FAM13C: variants seen among roughly 807,000 people sequenced by gnomAD.
The protein encoded by FAM13C is family with sequence similarity 13 member C.
Under a neutral mutation model 73.2 loss-of-function variants are expected in FAM13C, and 37 were observed. The ratio of observed to expected loss-of-function variants is 0.51; its 90% CI spans 0.39 to 0.67. The LOEUF (loss-of-function observed/expected upper bound fraction) is 0.67, where lower values mean the gene tolerates loss of function less well. Ranked by LOEUF, FAM13C falls within the 30% of genes least tolerant of loss-of-function variation. The pLI, the probability that FAM13C is intolerant of heterozygous loss-of-function variation, is 0.00. For synonymous variants in FAM13C, 246 were observed against 260.9 expected (o/e 0.94, Z 0.55); for missense variants, 589 against 715.6 (o/e 0.82, Z 2.02).
chr10:59,339,309 C>T (rs1316227115), intron 3 of FAM13C, among the ~76,000 whole-genome samples: 2 of 152,146 alleles, frequency 1.3e-5, no homozygotes, highest in Non-Finnish European at 2.9e-5. Context: ...CACTACTCAA[C>T]CTACTTCTCC....
intron 6 of FAM13C, among the ~76,000 whole-genome samples, chr10:59,281,524 A>G (rs945385384): frequency 6.6e-6 from 1 of 152,200 alleles, no homozygotes. Flanking sequence ...GAGACATTTC[A>G]GATTCATCTA....
chr10:59,322,059 T>A (rs7101023), intron 4 of FAM13C, among the ~76,000 whole-genome samples: 4,236 of 152,274 alleles, frequency 0.028, 170 homozygotes, highest in African/African-American at 0.084. Context: ...TGGCATGATA[T>A]GTCCAAACCT....
chr10:59,247,441 A>T lies in FAM13C; in HGVS notation c.*173T>A. The stretch of plus-strand genomic sequence containing the variant: ...ACCTGTTGTATTCTTCCCCCCGTTT[A>T]AATCCCTTCTCCTTGTATATAATTA... On this transcript the variant is annotated 3_prime_UTR_variant, in exon 14 of 14. Coordinates refer to ENST00000618804, the MANE Select transcript of FAM13C (RefSeq NM_198215.4). The T allele has an allele frequency of 1.3e-6, 1 of 746,318 alleles. No homozygotes were observed. The highest frequency in any genetic ancestry group is 2.2e-6 in the Non-Finnish European group (1 of 462,370). The allele number at this position is 746,318 out of a possible 1,614,324, so 46.2% of individuals were successfully genotyped here.
At chr10:59,281,928 T>C (rs559199623) in intron 6 of FAM13C, among the ~76,000 whole-genome samples, 2 of 152,358 alleles carry the variant, frequency 1.3e-5, no homozygotes, top group African/African-American at 2.4e-5. Context: ...GTGTTTTGTA[T>C]TAAATATGTT....
rs1853401490 is a variant in FAM13C, at chr10:59,340,850, CA to C, written c.324+11419del. Among the ~76,000 whole-genome samples, 3 of 151,694 alleles carry C rather than the reference CA, an allele frequency of 2.0e-5. No individual in the cohort carries two copies. The South Asian group carries it at 6.3e-4, about 32-fold the overall frequency. ...GCAAAAACCACAATTACTTTTGCAC[CA>C]ATGTAATATTTAGCGTTAAACTAGT... On this transcript the variant is annotated intron_variant, in intron 3 of 13. Coordinates refer to ENST00000618804, the MANE Select transcript of FAM13C (RefSeq NM_198215.4).
chr10:59,340,574 C>T (rs1329642130), intron 3 of FAM13C, among the ~76,000 whole-genome samples: 2 of 152,040 alleles, frequency 1.3e-5, no homozygotes, highest in East Asian at 3.9e-4. Flanking sequence ...CTGCTGAGTC[C>T]CTATTCTGCT....
chr10:59,306,699 A>C (rs984941400), intron 4 of FAM13C, among the ~76,000 whole-genome samples: 28 of 152,286 alleles, frequency 1.8e-4, no homozygotes, highest in African/African-American at 6.5e-4. Context: ...AACACAGTGA[A>C]ACCCCATCTC....
chr10:59,279,871 C>T (rs1290795274), intron 6 of FAM13C, among the ~76,000 whole-genome samples: 2 of 152,174 alleles, frequency 1.3e-5, no homozygotes, highest in African/African-American at 2.4e-5. Context: ...ATTTATCTCT[C>T]ACAGTTCTGG....
intron 5 of FAM13C, among the ~76,000 whole-genome samples, chr10:59,294,529 C>A (rs1846671434): frequency 6.6e-6 from 1 of 152,200 alleles, no homozygotes; most frequent in South Asian, 2.1e-4. Context: ...TCCACTTTTT[C>A]TGCCAACACC....
intron 1 of FAM13C, among the ~76,000 whole-genome samples, chr10:59,358,697 C>T (rs1219207559): frequency 6.6e-6 from 1 of 152,088 alleles, no homozygotes; most frequent in Non-Finnish European, 1.5e-5. Context: ...ACTTATTTTT[C>T]CCCCTCATTT....
intron 6 of FAM13C, among the ~76,000 whole-genome samples, chr10:59,276,079 G>T (rs573258151): frequency 6.6e-6 from 1 of 152,222 alleles, no homozygotes; most frequent in East Asian, 1.9e-4. Context: ...TATGTCATAG[G>T]TTTAGCACAG....
intron 4 of FAM13C, among the ~76,000 whole-genome samples, chr10:59,310,214 C>T (rs1848758680): frequency 6.6e-6 from 1 of 152,166 alleles, no homozygotes; most frequent in South Asian, 2.1e-4. Flanking sequence ...AATTGAGCCT[C>T]TCTATGAGAA....
At chr10:59,302,914 G>A (rs1208054593) in intron 4 of FAM13C, 50 bp from the exon 5 acceptor site, 3 of 1,552,254 alleles carry the variant, frequency 1.9e-6, no homozygotes, top group African/African-American at 2.7e-5. Flanking sequence ...ACGTTTCAGT[G>A]ATGTACATGT....
Position 59,247,503 on chromosome 10 carries a change from C to T in FAM13C, c.*111G>A. 2 of 1,332,280 alleles carry T rather than the reference C, an allele frequency of 1.5e-6. No individual in the cohort carries two copies. Among genetic ancestry groups the T allele is most frequent in the South Asian group, 1.2e-5 (1 of 80,992 alleles). The allele number at this position is 1,332,280 out of a possible 1,614,324, so 82.5% of individuals were successfully genotyped here. ...CCTTCTTAAAAACAGCTAATACTAC[C>T]ACTAAAGTGCTTCCATTTTCATTGT... On this transcript the variant is annotated 3_prime_UTR_variant, in exon 14 of 14. Coordinates refer to ENST00000618804, the MANE Select transcript of FAM13C (RefSeq NM_198215.4).
At chr10:59,334,015 A>C (rs1374992854) in intron 3 of FAM13C, among the ~76,000 whole-genome samples, 1 of 152,218 alleles carries the variant, frequency 6.6e-6, no homozygotes, top group Non-Finnish European at 1.5e-5. Flanking sequence ...ACATTGTGGA[A>C]GCATCAGAGC....
At chr10:59,357,662 G>A (rs1335463960) in intron 1 of FAM13C, among the ~76,000 whole-genome samples, 1 of 152,154 alleles carries the variant, frequency 6.6e-6, no homozygotes, top group Non-Finnish European at 1.5e-5. Flanking sequence ...AAATGTCACA[G>A]CAATGTCAAA....
chr10:59,310,006 C>T (rs892474889), intron 4 of FAM13C, among the ~76,000 whole-genome samples: 1 of 152,188 alleles, frequency 6.6e-6, no homozygotes, highest in Non-Finnish European at 1.5e-5. Flanking sequence ...ATAACAAATG[C>T]ATTTCTTCCC....
intron 4 of FAM13C, among the ~76,000 whole-genome samples, chr10:59,311,038 G>T: frequency 6.6e-6 from 1 of 152,152 alleles, no homozygotes; most frequent in East Asian, 1.9e-4. Flanking sequence ...TGGTGTTTCT[G>T]GCCTGGTCCC....
chr10:59,258,353 C>T (rs186038240), intron 10 of FAM13C, among the ~76,000 whole-genome samples: 500 of 152,286 alleles, frequency 3.3e-3, no homozygotes, highest in Middle Eastern at 0.031. Context: ...CATGGTGGTG[C>T]ACACCTGTAG....
Sources: gnomAD v4.1 joint callset for allele counts (sites outside exome capture counted in the v4.1 genomes callset) on GRCh38, gnomAD v4.1.1 for gene constraint, MANE v1.5 for transcripts, NCBI Gene and HGNC (gene_info 2026-07-23, HGNC 2026-07-21) for gene names.